The following COMMD1 variants were observed in gnomAD, a reference collection of about 807,000 sequenced individuals.
The protein encoded by COMMD1 is copper metabolism domain containing 1, also known as COMM domain-containing protein 1.
In COMMD1, 10 loss-of-function variants were observed where a neutral mutation model predicts 17.2. The ratio of observed to expected loss-of-function variants is 0.58; its 90% confidence interval spans 0.36 to 0.99. The LOEUF (loss-of-function observed/expected upper bound fraction) is 0.99. Ranked by LOEUF, COMMD1 falls within the 50% of genes least tolerant of loss-of-function variation. COMMD1 has a pLI of 0.01. For missense variants in COMMD1, 270 were observed against 231.8 expected, an observed-to-expected ratio of 1.17 and a Z score of -1.07; for synonymous variants, 97 against 91.6, an observed-to-expected ratio of 1.06 and a Z score of -0.34.
chr2:61,940,404 T>C (rs1337385241), intron 1 of COMMD1, among the ~76,000 whole-genome samples: 3 of 152,170 alleles, frequency 2.0e-5, no homozygotes, highest in Non-Finnish European at 4.4e-5. Context: ...CATCTCAGAT[T>C]TCATAATTCT....
intron 1 of COMMD1, among the ~76,000 whole-genome samples, chr2:61,913,608 G>A (rs182412821): frequency 1.4e-5 from 2 of 145,986 alleles, no homozygotes; most frequent in Admixed American, 7.8e-5. Flanking sequence ...ACTAAAAATT[G>A]GCTCTACTAA....
At chr2:62,002,898 T>C (rs1256974485) in intron 2 of COMMD1, among the ~76,000 whole-genome samples, 3 of 152,020 alleles carry the variant, frequency 2.0e-5, no homozygotes, top group Non-Finnish European at 4.4e-5. Context: ...TATTATAAAG[T>C]AGTGCTACTT....
Position 61,913,575 on chromosome 2 carries a change from T to C in COMMD1, c.180+7717T>C, listed in dbSNP as rs72891744. On this transcript the variant is annotated intron_variant, in intron 1 of 2. Coordinates refer to ENST00000311832, the MANE Select transcript of COMMD1 (RefSeq NM_152516.4). ...CTAAAAAATTAGCTCTACTAAAAAT[T>C]GGCTCTACTAAAAATTAGCTCTACT... Among the ~76,000 whole-genome samples, 304 of 151,226 alleles carry C rather than the reference T, an allele frequency of 2.0e-3. 1 individual carries two copies. The highest frequency in any genetic ancestry group is 7.1e-3 in the African/African-American group (293 of 41,246).
exon 1 of COMMD1, chr2:61,888,738 G>T (rs1485938191): frequency 5.6e-6 from 3 of 535,312 alleles, no homozygotes; most frequent in Non-Finnish European, 9.8e-6. Context: ...CGTGCGGTGG[G>T]CTCCGGGCTG....
At chr2:61,931,966 C>T (rs978610152) in intron 1 of COMMD1, among the ~76,000 whole-genome samples, 1 of 152,118 alleles carries the variant, frequency 6.6e-6, no homozygotes, top group African/African-American at 2.4e-5. Context: ...CAGTTGTGTG[C>T]CTCTGAGACT....
At chr2:61,943,039 G>A (rs916521407) in intron 1 of COMMD1, among the ~76,000 whole-genome samples, 3 of 152,098 alleles carry the variant, frequency 2.0e-5, no homozygotes, top group Non-Finnish European at 2.9e-5. Context: ...AAAAAGAAAC[G>A]GTTGGATGCA....
chr2:61,900,440 G>T (rs912431419), intron 1 of COMMD1, among the ~76,000 whole-genome samples: 3 of 152,214 alleles, frequency 2.0e-5, no homozygotes, highest in African/African-American at 7.2e-5. Context: ...GCGTCAAAAT[G>T]ACCTATTCAG....
chr2:61,902,618 T>C (rs1669681369), upstream of COMMD1, among the ~76,000 whole-genome samples: 1 of 152,144 alleles, frequency 6.6e-6, no homozygotes, highest in Non-Finnish European at 1.5e-5. Context: ...AAAAATTTAC[T>C]CTCAAAATTT....
At chr2:62,030,242 A>G (rs1377622131) in intron 2 of COMMD1, among the ~76,000 whole-genome samples, 1 of 152,030 alleles carries the variant, frequency 6.6e-6, no homozygotes, top group Non-Finnish European at 1.5e-5. Context: ...TACACAGGGT[A>G]TTGTTAGGCT....
At chr2:61,913,259 C>T (rs536906928) in intron 1 of COMMD1, among the ~76,000 whole-genome samples, 3 of 149,060 alleles carry the variant, frequency 2.0e-5, no homozygotes, top group African/African-American at 2.5e-5. Flanking sequence ...CCCAGCTACT[C>T]GGGAAGCTGA....
chr2:61,954,494 G>C (rs2103676423), intron 1 of COMMD1, among the ~76,000 whole-genome samples: 1 of 152,212 alleles, frequency 6.6e-6, no homozygotes, highest in Non-Finnish European at 1.5e-5. Context: ...GTCTTATTGT[G>C]ATAGTCATGA....
intron 1 of COMMD1, among the ~76,000 whole-genome samples, chr2:61,934,755 T>C (rs1670560027): frequency 6.6e-6 from 1 of 152,206 alleles, no homozygotes; most frequent in African/African-American, 2.4e-5. Context: ...GAGGGAAAAC[T>C]GTTTTTCTCT....
At chr2:62,031,034 G>A (rs1558569464) in intron 2 of COMMD1, among the ~76,000 whole-genome samples, 2 of 152,082 alleles carry the variant, frequency 1.3e-5, no homozygotes, top group African/African-American at 2.4e-5. Context: ...AATTCCAAAT[G>A]ACTAATAAGA....
chr2:61,961,521 G>A (rs1249492454), intron 1 of COMMD1, among the ~76,000 whole-genome samples: 1 of 152,120 alleles, frequency 6.6e-6, no homozygotes, highest in African/African-American at 2.4e-5. Context: ...ACTAATAGTG[G>A]ATAGCAATCT....
At chr2:61,916,393 T>C (rs1397959067) in intron 1 of COMMD1, among the ~76,000 whole-genome samples, 1 of 152,132 alleles carries the variant, frequency 6.6e-6, no homozygotes, top group Non-Finnish European at 1.5e-5. Flanking sequence ...AGGTGGAGTA[T>C]ACTGTACATA....
upstream of COMMD1, among the ~76,000 whole-genome samples, chr2:61,901,280 G>A (rs1338000684): frequency 1.3e-5 from 2 of 151,906 alleles, no homozygotes; most frequent in Non-Finnish European, 2.9e-5. Flanking sequence ...CAAGGTTCAT[G>A]GCTTTTCTCT....
At chr2:62,104,754 A>G (rs187675650) in intron 2 of COMMD1, among the ~76,000 whole-genome samples, 3 of 152,298 alleles carry the variant, frequency 2.0e-5, no homozygotes, top group Admixed American at 2.0e-4. Context: ...TGTGCCAGGC[A>G]CAATGCTAGG....
intron 2 of COMMD1, among the ~76,000 whole-genome samples, chr2:62,061,322 C>CT: frequency 6.6e-6 from 1 of 152,252 alleles, no homozygotes; most frequent in African/African-American, 2.4e-5. Flanking sequence ...TTATGATTCT[C>CT]TGAGAAATGT....
chr2:62,025,951 C>T (rs909987461), intron 2 of COMMD1, among the ~76,000 whole-genome samples: 2 of 152,114 alleles, frequency 1.3e-5, no homozygotes, highest in Non-Finnish European at 2.9e-5. Flanking sequence ...GCCTTGGCCT[C>T]CCAAAGTGGT....
Sources: allele counts gnomAD v4.1 joint callset (sites outside exome capture counted in the v4.1 genomes callset), GRCh38; gene constraint gnomAD v4.1.1; transcripts MANE v1.5; gene names NCBI Gene and HGNC (gene_info 2026-07-23, HGNC 2026-07-21).